The following HCRTR1 variants were observed in gnomAD, a reference collection of about 807,000 sequenced individuals.
HCRTR1 encodes orexin/Hypocretin receptor type 1.
A neutral mutation model predicts 40.6 loss-of-function variants in HCRTR1; 28 were observed. That is an observed-to-expected ratio of 0.69 (90% confidence interval 0.51 to 0.95). The LOEUF (loss-of-function observed/expected upper bound fraction) is 0.95, where lower values mean the gene tolerates loss of function less well. HCRTR1 is among the 40% of genes least tolerant of loss of function. The pLI is 0.00. For synonymous variants in HCRTR1, 209 were observed against 230.0 expected (o/e 0.91, Z 0.83); for missense variants, 482 against 564.7 (o/e 0.85, Z 1.48).
At position 31,626,945 on chromosome 1, in the gene HCRTR1, G is replaced by T. The variant is rs756585030; in HGVS notation, c.1243G>T (p.Val415Leu). The change falls in exon 9 of 9, where the codon GTG becomes TTG. Residue 415 changes from valine to leucine, a missense_variant. Val to Leu is a conservative substitution (Grantham distance 32). Transcript: ENST00000403528. The surrounding 1 kb of genome is among the most constrained non-coding windows in gnomAD (Gnocchi z 4.6). Reference sequence around the variant, plus strand: ...CTCCATCTCCAAAATCTCTGAGCATGTGGTGCTCACCAGCGTCACCACAGT... The same window carrying T: ...CTCCATCTCCAAAATCTCTGAGCATTTGGTGCTCACCAGCGTCACCACAGT... ...RCSISKISEH[V>L]VLTSVTTVLP 6.2e-7 allele frequency: 1 copy of T among 1,613,354 alleles called. No homozygotes were observed. The highest frequency in any genetic ancestry group is 1.1e-5 in the South Asian group (1 of 91,086).
At position 31,626,701 on chromosome 1, in the gene HCRTR1, G is replaced by A. The variant is rs1280013949; in HGVS notation, c.1088-89G>A. On this transcript the variant is annotated intron_variant, in intron 8 of 8. Coordinates refer to ENST00000403528, the MANE Select transcript of HCRTR1 (RefSeq NM_001525.3). The surrounding 1 kb of genome is among the most constrained non-coding windows in gnomAD (Gnocchi z 4.6). ...CTCCCCGCCCCCTCATAGGCAGCTT[G>A]GCTGGAGCTGCGTGGGTGTCCCTGG... The A allele has an allele frequency of 2.2e-5, 13 of 597,792 alleles. No homozygotes were observed. Among genetic ancestry groups the A allele is most frequent in the Non-Finnish European group, 3.4e-5 (13 of 378,222 alleles). 37.0% of individuals were successfully genotyped at this position (597,792 alleles called of 1,614,324 possible).
At chr1:31,619,735 A>C in intron 4 of HCRTR1, 25 bp downstream of exon 4, 1 of 1,566,206 alleles carries the variant, frequency 6.4e-7, no homozygotes, top group Non-Finnish European at 8.7e-7. Flanking sequence ...GGCACCCCTC[A>C]CCACTCCTTG....
rs769994357 is a variant in HCRTR1 at position 31,619,297 on chromosome 1, G to A, written c.105G>A (p.Leu35=). The change falls in exon 3 of 9, where the codon CTG becomes CTA. Residue 35 remains leucine (L), a synonymous_variant. Coordinates refer to ENST00000403528, the MANE Select transcript of HCRTR1 (RefSeq NM_001525.3). ...ATGAAGATGAGTTTCTCCGCTATCT[G>A]TGGCGCGATTATCTGTACCCAAAAC... ...PDYEDEFLRY[L]WRDYLYPKQY... 2.5e-6 allele frequency: 4 copies of A among 1,614,214 alleles called. No homozygotes were observed. The highest frequency in any genetic ancestry group is 3.3e-5 in the Admixed American group (2 of 60,032).
Position 31,619,067 on chromosome 1 carries a change from A to G in HCRTR1, c.-126A>G. On this transcript the variant is annotated 5_prime_UTR_variant, in exon 3 of 9. Coordinates refer to ENST00000403528, the MANE Select transcript of HCRTR1 (RefSeq NM_001525.3). The stretch of plus-strand genomic sequence containing the variant: ...TCCCTTCAGGAAGTTTGAGGCTGAG[A>G]CCCGAAAAGACCTGGGTGCAAGCCT... The G allele has an allele frequency of 1.5e-6, 1 of 682,904 alleles. No homozygotes were observed. The highest frequency in any genetic ancestry group is 2.4e-6 in the Non-Finnish European group (1 of 409,788). The allele number at this position is 682,904 out of a possible 1,614,324, so 42.3% of individuals were successfully genotyped here. A position where few individuals can be genotyped will look rare whatever the true frequency, so the allele number is the denominator to read the frequency against.
downstream of HCRTR1, chr1:31,630,399 C>T (rs144180108): frequency 2.1e-3 from 1,241 of 581,854 alleles, 7 homozygotes; most frequent in African/African-American, 0.02. Context: ...TCCTCTCCTC[C>T]ATCAGGCCCC....
At chr1:31,622,695 G>T (rs1639883303) in intron 6 of HCRTR1, among the ~76,000 whole-genome samples, 1 of 152,206 alleles carries the variant, frequency 6.6e-6, no homozygotes, top group South Asian at 2.1e-4. Context: ...TGGGTGATTT[G>T]AGTGTCCGGT....
chr1:31,627,148 G>T lies in HCRTR1; in HGVS notation c.*168G>T. On this transcript the variant is annotated 3_prime_UTR_variant, in exon 9 of 9. Coordinates refer to ENST00000403528, the MANE Select transcript of HCRTR1 (RefSeq NM_001525.3). ...CTTGTGTCCCCTAAGCAGGGTTGATGTGAGGATTAAGCATGCTGAAGCAAG... is the reference window on the plus strand; with the variant it reads ...CTTGTGTCCCCTAAGCAGGGTTGATTTGAGGATTAAGCATGCTGAAGCAAG... 7.1e-7 allele frequency: 1 copy of T among 1,416,978 alleles called. No homozygotes were observed. Among genetic ancestry groups the T allele is most frequent in the Non-Finnish European group, 9.4e-7 (1 of 1,062,626 alleles). The allele number at this position is 1,416,978 out of a possible 1,614,324, so 87.8% of individuals were successfully genotyped here.
In HCRTR1 at chr1:31,626,751, CTG is replaced by C. The variant is rs774582073; in HGVS notation, c.1088-37_1088-36del. 1 of 1,432,856 alleles carries C rather than the reference CTG, an allele frequency of 7.0e-7. No individual in the cohort carries two copies. The highest frequency in any genetic ancestry group is 1.2e-5 in the South Asian group (1 of 84,754). 88.8% of individuals were successfully genotyped at this position (1,432,856 alleles called of 1,614,324 possible). A position where few individuals can be genotyped will look rare whatever the true frequency, so the allele number is the denominator to read the frequency against. ...GGCTCAAGGCCCCTTCCTGCTGCATCTGTCTCCTTATGGCTGTGTCTTTTGTC... is the reference window on the plus strand; with the variant it reads ...GGCTCAAGGCCCCTTCCTGCTGCATCTCTCCTTATGGCTGTGTCTTTTGTC... On this transcript the variant is annotated intron_variant, in intron 8 of 8. Transcript: ENST00000403528. This position sits in a 1 kb window ranked among gnomAD's most constrained non-coding sequence, Gnocchi z 4.6.
At chr1:31,632,742 G>A (rs1275503085), downstream of HCRTR1, 2 of 1,379,248 alleles carry the variant, frequency 1.5e-6, no homozygotes, top group African/African-American at 2.9e-5. Flanking sequence ...GCTGGAGTAG[G>A]CGACTTCACA....
downstream of HCRTR1, among the ~76,000 whole-genome samples, chr1:31,632,812 G>A (rs760391671): frequency 2.6e-5 from 4 of 152,142 alleles, no homozygotes; most frequent in Admixed American, 6.5e-5. Flanking sequence ...GCGTTGCACC[G>A]TCCTCCTACT....
At chr1:31,624,861 A>G (rs1639939424) in intron 7 of HCRTR1, 136 bp from the exon 8 acceptor site, 18 of 946,608 alleles carry the variant, frequency 1.9e-5, no homozygotes, top group Non-Finnish European at 2.5e-5. Flanking sequence ...CCTCAGGTAC[A>G]GAAGGCCAGG....
chr1:31,630,163 ATC>A, downstream of HCRTR1: 1 of 227,202 alleles, frequency 4.4e-6, no homozygotes. Context: ...CCATAGACAG[ATC>A]TCTCTCATGC....
At position 31,627,285 on chromosome 1, in the gene HCRTR1, G is replaced by A; in HGVS notation, c.*305G>A. 23 of 1,388,236 alleles carry A rather than the reference G, an allele frequency of 1.7e-5. No individual in the cohort carries two copies. Among genetic ancestry groups the A allele is most frequent in the Non-Finnish European group, 2.1e-5 (22 of 1,053,366 alleles). The allele number at this position is 1,388,236 out of a possible 1,614,324, so 86.0% of individuals were successfully genotyped here. A position where few individuals can be genotyped will look rare whatever the true frequency, so the allele number is the denominator to read the frequency against. On this transcript the variant is annotated 3_prime_UTR_variant, in exon 9 of 9. Transcript: ENST00000403528. ...GTCCCCATCCTCCTTCCAGAGCTTG[G>A]TCATCCTCCTAAAGACCCCTTTCCT...
rs891031727 is a variant in HCRTR1 at position 31,625,464 on chromosome 1, C to G, written c.1087+346C>G. Among the ~76,000 whole-genome samples, 1 of 152,214 alleles carries G rather than the reference C, an allele frequency of 6.6e-6. No homozygotes were observed. Among genetic ancestry groups the G allele is most frequent in the Non-Finnish European group, 1.5e-5 (1 of 68,018 alleles). ...CTCAGGCAGAGGAGTCCATCCTCCC[C>G]GGAGGGAGTCAGACCTGTGGGAGGA... On this transcript the variant is annotated intron_variant, in intron 8 of 8. Coordinates refer to ENST00000403528, the MANE Select transcript of HCRTR1 (RefSeq NM_001525.3). The surrounding 1 kb of genome is among the most constrained non-coding windows in gnomAD (Gnocchi z 4.2).
downstream of HCRTR1, chr1:31,632,207 A>G (rs1226008412): frequency 3.3e-6 from 2 of 613,208 alleles, no homozygotes; most frequent in Non-Finnish European, 5.9e-6. Flanking sequence ...ATAGTCCTTA[A>G]GGTGCCAAGT....
At chr1:31,621,171 C>T in intron 5 of HCRTR1, 85 bp downstream of exon 5, 1 of 1,492,338 alleles carries the variant, frequency 6.7e-7, no homozygotes, top group Admixed American at 2.0e-5. Context: ...TAGCAGGGTC[C>T]CTTCCAAAGT....
Position 31,621,174 on chromosome 1 carries a change from T to C in HCRTR1, c.622+88T>C, listed in dbSNP as rs569076705. On this transcript the variant is annotated intron_variant, in intron 5 of 8. Transcript: ENST00000403528. ...AGGACAGGCATCTAGCAGGGTCCCT[T>C]CCAAAGTGGGAAATCCCAGAGCAGG... The C allele has an allele frequency of 1.8e-4, 261 of 1,484,116 alleles. 12 individuals are homozygous for C. In the South Asian group the frequency reaches 3.4e-3, roughly 19 times the overall value. 91.9% of individuals were successfully genotyped at this position (1,484,116 alleles called of 1,614,324 possible). A position where few individuals can be genotyped will look rare whatever the true frequency, so the allele number is the denominator to read the frequency against.
At chr1:31,622,896 G>C (rs897737511) in intron 6 of HCRTR1, among the ~76,000 whole-genome samples, 5 of 152,178 alleles carry the variant, frequency 3.3e-5, no homozygotes, top group African/African-American at 1.2e-4. Context: ...AGGATGGATG[G>C]GCAGTTGACA....
chr1:31,626,303 G>C lies in HCRTR1; in HGVS notation c.1088-487G>C, dbSNP rs924606601. Among the ~76,000 whole-genome samples the C allele has an allele frequency of 2.0e-5, 3 of 152,226 alleles. No homozygotes were observed. The highest frequency in any genetic ancestry group is 7.2e-5 in the African/African-American group (3 of 41,448). The stretch of plus-strand genomic sequence containing the variant: ...TACCTCTGTGCATCTCATCTGTGAA[G>C]TGAGGATAAAGGACTCCAGCCTTTC... On this transcript the variant is annotated intron_variant, in intron 8 of 8. Coordinates refer to ENST00000403528, the MANE Select transcript of HCRTR1 (RefSeq NM_001525.3). The surrounding 1 kb of genome is among the most constrained non-coding windows in gnomAD (Gnocchi z 4.6).
Sources: allele counts gnomAD v4.1 joint callset (sites outside exome capture counted in the v4.1 genomes callset), GRCh38; gene constraint gnomAD v4.1.1; non-coding constraint Gnocchi (gnomAD v3.1); transcripts MANE v1.5; gene names NCBI Gene and HGNC (gene_info 2026-07-23, HGNC 2026-07-21).